Variants in ABCA13 observed in about 807,000 individuals in gnomAD.
ABCA13 encodes the protein ATP-binding cassette sub-family A member 13.
In ABCA13, 476 loss-of-function variants were observed where a neutral mutation model predicts 478.7. That is an observed-to-expected ratio of 0.99 (90% CI 0.92 to 1.07). The LOEUF is 1.07. ABCA13 is among the 50% of genes least tolerant of loss of function. The pLI is 0.00. For synonymous variants in ABCA13, 2,252 were observed against 2,158.9 expected (o/e 1.04, Z -1.20); for missense variants, 6,060 against 5,910.6 (o/e 1.03, Z -0.83).
intron 39 of ABCA13, among the ~76,000 whole-genome samples, chr7:48,407,809 G>A (rs1263878335): frequency 1.3e-5 from 2 of 151,832 alleles, no homozygotes; most frequent in Non-Finnish European, 2.9e-5. Context: ...CCACCACCTC[G>A]GCCTCCCAAT....
chr7:48,587,027 A>T, intron 56 of ABCA13, 127 bp from the exon 57 acceptor site: 1 of 1,249,564 alleles, frequency 8.0e-7, no homozygotes, highest in Non-Finnish European at 1.1e-6. Context: ...CAGGAGATGT[A>T]CTTGATTGTA....
intron 59 of ABCA13, among the ~76,000 whole-genome samples, chr7:48,635,614 G>C (rs1312643775): frequency 2.6e-5 from 4 of 152,176 alleles, no homozygotes; most frequent in Non-Finnish European, 5.9e-5. Flanking sequence ...CCTCTCATCT[G>C]TACTCACTGG....
At position 48,352,282 on chromosome 7, in the gene ABCA13, A is replaced by G. The variant is rs1563103672; in HGVS notation, c.10483A>G (p.Ser3495Gly). ...CACAATCCGGACCAATGTGTTATAC[A>G]GCGTGCGAACAGATGTGGTAAAAAA... Reference protein sequence around the residue: ...SYTIRTNVLYSVRTDVVKNPS... With the variant: ...SYTIRTNVLYGVRTDVVKNPS... Residue 3495 changes from serine to glycine, a missense_variant, in exon 31 of 62, where the codon AGC becomes GGC. Physicochemically the swap from Ser to Gly is moderately conservative, Grantham distance 56. Around this residue, in one of 3 missense-constraint regions of ABCA13, gnomAD observed 4,423 missense variants for 4,309.1 expected, o/e 1.03. Coordinates refer to ENST00000435803, the MANE Select transcript of ABCA13 (RefSeq NM_152701.5). 5 of 1,613,908 alleles carry G rather than the reference A, an allele frequency of 3.1e-6. No homozygotes were observed. Among genetic ancestry groups the G allele is most frequent in the Non-Finnish European group, 3.4e-6 (4 of 1,179,894 alleles).
At chr7:48,532,758 T>C (rs67744396) in intron 55 of ABCA13, among the ~76,000 whole-genome samples, 21,046 of 151,982 alleles carry the variant, frequency 0.14, 1,822 homozygotes, top group African/African-American at 0.23. Flanking sequence ...AGGAATTTAT[T>C]CATCTCCTTC....
In ABCA13 at chr7:48,455,132, C is replaced by A; in HGVS notation, c.12661C>A (p.Arg4221Ser). 6.4e-7 allele frequency: 1 copy of A among 1,567,978 alleles called. No homozygotes were observed. The highest frequency in any genetic ancestry group is 1.9e-5 in the Admixed American group (1 of 53,566). Reference sequence around the variant, plus strand: ...GGCCCGGAGGCTCCGCCGCACGCTGCGCGCCGGGAAGAGCACCCTCGCCGA... The same window carrying A: ...GGCCCGGAGGCTCCGCCGCACGCTGAGCGCCGGGAAGAGCACCCTCGCCGA... ...ILARRLRRTL[R>S]AGKSTLADLL... The change falls in exon 43 of 62, where the codon CGC becomes AGC. Residue 4221 changes from arginine to serine, a missense_variant. Arg to Ser is a moderately radical substitution (Grantham distance 110). This residue lies in a region of ABCA13 where 1,627 missense variants were observed against 1,571.0 expected (regional missense o/e 1.04). Coordinates refer to ENST00000435803, the MANE Select transcript of ABCA13 (RefSeq NM_152701.5).
intron 59 of ABCA13, among the ~76,000 whole-genome samples, chr7:48,617,400 C>T (rs538654647): frequency 1.3e-5 from 2 of 151,998 alleles, no homozygotes; most frequent in African/African-American, 2.4e-5. Flanking sequence ...CAGGAGAAGG[C>T]GAGGGTTTTG....
At chr7:48,536,503 G>A (rs939415626) in intron 55 of ABCA13, among the ~76,000 whole-genome samples, 2 of 151,822 alleles carry the variant, frequency 1.3e-5, no homozygotes, top group Non-Finnish European at 2.9e-5. Context: ...CAAAAATTAC[G>A]TGGGCGTGGT....
intron 59 of ABCA13, among the ~76,000 whole-genome samples, chr7:48,642,667 C>T (rs1795179676): frequency 6.6e-6 from 1 of 151,946 alleles, no homozygotes; most frequent in African/African-American, 2.4e-5. Context: ...TTGAGGTTAC[C>T]TTAGGGTATG....
chr7:48,317,898 G>T (rs191087997), intron 27 of ABCA13, among the ~76,000 whole-genome samples: 60 of 152,192 alleles, frequency 3.9e-4, no homozygotes, highest in African/African-American at 1.4e-3. Flanking sequence ...TGCAGGATTT[G>T]TTATTATTAA....
chr7:48,276,980 A>C (rs928702170), intron 17 of ABCA13, among the ~76,000 whole-genome samples: 1 of 152,206 alleles, frequency 6.6e-6, no homozygotes, highest in Non-Finnish European at 1.5e-5. Flanking sequence ...TGGTATTTGC[A>C]TTTAGAGACA....
chr7:48,242,620 G>A (rs1322715071), intron 10 of ABCA13, among the ~76,000 whole-genome samples: 1 of 152,036 alleles, frequency 6.6e-6, no homozygotes, highest in Non-Finnish European at 1.5e-5. Flanking sequence ...TGCATTTTTA[G>A]TAGAGACAGG....
chr7:48,270,223 T>C (rs1004061478), intron 16 of ABCA13, among the ~76,000 whole-genome samples: 8 of 152,118 alleles, frequency 5.3e-5, no homozygotes, highest in African/African-American at 1.9e-4. Flanking sequence ...TCATGCCACA[T>C]AATAACAGCT....
intron 42 of ABCA13, among the ~76,000 whole-genome samples, chr7:48,451,487 A>G (rs1312938860): frequency 3.3e-5 from 5 of 152,340 alleles, no homozygotes; most frequent in Non-Finnish European, 7.3e-5. Flanking sequence ...CAATAATATT[A>G]GATGTTAACA....
intron 55 of ABCA13, among the ~76,000 whole-genome samples, chr7:48,568,189 G>A (rs773273547): frequency 3.3e-5 from 5 of 151,866 alleles, no homozygotes; most frequent in Admixed American, 6.6e-5. Context: ...TCTCCATTGC[G>A]TCCCCCCATT....
intron 15 of ABCA13, among the ~76,000 whole-genome samples, chr7:48,251,539 T>A (rs1385275491): frequency 6.6e-6 from 1 of 152,126 alleles, no homozygotes. Flanking sequence ...CCTGTAAGCT[T>A]AACCACTCTA....
At chr7:48,563,011 A>G (rs914189160) in intron 55 of ABCA13, among the ~76,000 whole-genome samples, 7 of 152,022 alleles carry the variant, frequency 4.6e-5, no homozygotes. Flanking sequence ...GTGTGTATAT[A>G]TATTTATATA....
At chr7:48,436,870 T>C (rs1477350217) in intron 42 of ABCA13, among the ~76,000 whole-genome samples, 1 of 151,940 alleles carries the variant, frequency 6.6e-6, no homozygotes, top group East Asian at 1.9e-4. Context: ...TTCCACTATG[T>C]TCAGAAAATA....
chr7:48,281,654 G>A (rs923065347), intron 19 of ABCA13, among the ~76,000 whole-genome samples: 7 of 151,840 alleles, frequency 4.6e-5, no homozygotes, highest in African/African-American at 1.5e-4. Context: ...AAATTGAACG[G>A]CCCGTTCCTG....
chr7:48,489,949 G>A (rs1332564409), intron 48 of ABCA13, among the ~76,000 whole-genome samples: 1 of 152,064 alleles, frequency 6.6e-6, no homozygotes, highest in Non-Finnish European at 1.5e-5. Context: ...TTTAAAGAAA[G>A]GAAAGAAACA....
Sources: gnomAD v4.1 joint callset for allele counts (sites outside exome capture counted in the v4.1 genomes callset) on GRCh38, gnomAD v4.1.1 for gene constraint, gnomAD v4.1.1 regional missense constraint, MANE v1.5 for transcripts, NCBI Gene and HGNC (gene_info 2026-07-23, HGNC 2026-07-21) for gene names.